The following OSBPL3 variants were observed in gnomAD, a reference collection of about 807,000 sequenced individuals.
The protein encoded by OSBPL3 is oxysterol-binding protein-related protein 3.
In OSBPL3, 65 loss-of-function variants were observed where a neutral mutation model predicts 120.1. That is an observed-to-expected ratio of 0.54 (90% CI 0.44 to 0.67). The LOEUF (loss-of-function observed/expected upper bound fraction) is 0.67. Ranked by LOEUF, OSBPL3 falls within the 30% of genes least tolerant of loss-of-function variation. The pLI, the probability that OSBPL3 is intolerant of heterozygous loss-of-function variation, is 0.00. For missense variants in OSBPL3, 1,004 were observed against 1,082.1 expected, an observed-to-expected ratio of 0.93 and a Z score of 1.01; for synonymous variants, 416 against 402.6, an observed-to-expected ratio of 1.03 and a Z score of -0.40.
At position 24,865,384 on chromosome 7, in the gene OSBPL3, A is replaced by G; in HGVS notation, c.631T>C (p.Leu211=). ...FSCGGETRVP[L]WLQSSEDMEK... The stretch of plus-strand genomic sequence containing the variant: ...ATGTCCTCTGAAGACTGTAACCATA[A>G]TGGAACTCGTGTCTCACCACCACAA... The change falls in exon 7 of 23, where the codon TTA becomes CTA. Residue 211 remains leucine (L), a synonymous_variant. Coordinates refer to ENST00000313367, the MANE Select transcript of OSBPL3 (RefSeq NM_015550.4). The G allele has an allele frequency of 1.2e-6, 2 of 1,613,894 alleles. No individual in the cohort carries two copies. The highest frequency in any genetic ancestry group is 1.7e-6 in the Non-Finnish European group (2 of 1,179,744).
At chr7:24,848,633 C>T (rs994085199) in intron 12 of OSBPL3, among the ~76,000 whole-genome samples, 6 of 151,682 alleles carry the variant, frequency 4.0e-5, no homozygotes, top group African/African-American at 1.5e-4. Flanking sequence ...AAGAAAATCA[C>T]AGAAAAGGGA....
intron 14 of OSBPL3, among the ~76,000 whole-genome samples, chr7:24,838,971 C>G (rs1003012900): frequency 6.6e-6 from 1 of 152,198 alleles, no homozygotes; most frequent in African/African-American, 2.4e-5. Context: ...CGATGAGCAT[C>G]TTACTTCTAG....
At chr7:24,950,581 G>T (rs919844177) in intron 1 of OSBPL3, among the ~76,000 whole-genome samples, 7 of 152,338 alleles carry the variant, frequency 4.6e-5, no homozygotes, top group African/African-American at 1.7e-4. Flanking sequence ...AATTAGCCAG[G>T]CGCGGTGGCG....
At chr7:24,924,188 T>C (rs1810751988) in intron 1 of OSBPL3, among the ~76,000 whole-genome samples, 1 of 152,098 alleles carries the variant, frequency 6.6e-6, no homozygotes, top group Non-Finnish European at 1.5e-5. Flanking sequence ...TCTAAAAAGA[T>C]TTATGGTTAA....
intron 1 of OSBPL3, among the ~76,000 whole-genome samples, chr7:24,949,694 C>G (rs946599679): frequency 2.0e-5 from 3 of 152,130 alleles, no homozygotes; most frequent in African/African-American, 7.2e-5. Flanking sequence ...TCAACTCAGC[C>G]TGAAGGCAAG....
chr7:24,835,709 T>C lies in OSBPL3; in HGVS notation c.1496-973A>G, dbSNP rs1186430134. Among the ~76,000 whole-genome samples the C allele has an allele frequency of 2.6e-5, 4 of 152,152 alleles. No individual in the cohort carries two copies. The highest frequency in any genetic ancestry group is 6.5e-5 in the Admixed American group (1 of 15,276). ...CTAGATAAAGAAAATGTGGTACATA[T>C]ACACCATGGAATACTGTGCAGCCAT... On this transcript the variant is annotated intron_variant, in intron 14 of 22. Transcript: ENST00000313367. This position sits in a 1 kb window ranked among gnomAD's most constrained non-coding sequence, Gnocchi z 4.8.
chr7:24,838,832 T>C (rs1370217513), intron 14 of OSBPL3, among the ~76,000 whole-genome samples: 1 of 152,214 alleles, frequency 6.6e-6, no homozygotes, highest in Non-Finnish European at 1.5e-5. Context: ...TCCTTGTTTT[T>C]CTAGAAAAAT....
chr7:24,866,294 A>G, intron 5 of OSBPL3, 57 bp from the exon 6 acceptor site: 7 of 1,270,204 alleles, frequency 5.5e-6, no homozygotes, highest in Non-Finnish European at 8.0e-6. Context: ...GGAAGGAACA[A>G]TTACTCATCA....
chr7:24,848,816 C>G (rs187710858), intron 12 of OSBPL3, among the ~76,000 whole-genome samples: 1 of 151,588 alleles, frequency 6.6e-6, no homozygotes, highest in Admixed American at 6.6e-5. Flanking sequence ...AGGAGCGAAA[C>G]AGAAATATAA....
At chr7:24,904,673 A>T (rs545136200) in intron 1 of OSBPL3, among the ~76,000 whole-genome samples, 1 of 152,304 alleles carries the variant, frequency 6.6e-6, no homozygotes, top group African/African-American at 2.4e-5. Context: ...AGCTGTAAAA[A>T]ACTAAAGAAA....
chr7:24,934,869 C>G (rs1475616776), intron 1 of OSBPL3, among the ~76,000 whole-genome samples: 1 of 152,132 alleles, frequency 6.6e-6, no homozygotes, highest in African/African-American at 2.4e-5. Context: ...TGCTGAAATG[C>G]CTTCTTTCTG....
chr7:24,869,567 A>C (rs1801821216), intron 5 of OSBPL3, among the ~76,000 whole-genome samples: 2 of 152,216 alleles, frequency 1.3e-5, no homozygotes, highest in Admixed American at 6.5e-5. Context: ...GAAGGATGCC[A>C]CTGGCATCTA....
At position 24,830,957 on chromosome 7, in the gene OSBPL3, T is replaced by C. The variant is rs6952921; in HGVS notation, c.1747-52A>G. 0.02 allele frequency: 30,437 copies of C among 1,520,054 alleles called. 3,341 individuals carry two copies. In the African/African-American group the frequency reaches 0.3, roughly 15 times the overall value. The allele number at this position is 1,520,054 out of a possible 1,614,324, so 94.2% of individuals were successfully genotyped here. On this transcript the variant is annotated intron_variant, in intron 15 of 22. Coordinates refer to ENST00000313367, the MANE Select transcript of OSBPL3 (RefSeq NM_015550.4). The surrounding 1 kb of genome is among the most constrained non-coding windows in gnomAD (Gnocchi z 4.4). ...CATTTCCGTGTCACCAAGAGCTTTA[T>C]TGTTCACAAAGAACTAAACAAAATA...
At position 24,861,793 on chromosome 7, in the gene OSBPL3, A is replaced by G. The variant is rs754671938; in HGVS notation, c.871-24T>C. On this transcript the variant is annotated intron_variant, in intron 9 of 22. Coordinates refer to ENST00000313367, the MANE Select transcript of OSBPL3 (RefSeq NM_015550.4). ...ACCTGAAGTAACACCAAAGGGAGATATTTCTTTTCAGATGCAGATTGCTTA... is the reference window on the plus strand; with the variant it reads ...ACCTGAAGTAACACCAAAGGGAGATGTTTCTTTTCAGATGCAGATTGCTTA... 4.6e-6 allele frequency: 7 copies of G among 1,517,446 alleles called. No homozygotes were observed. The African/African-American group carries it at 7.0e-5, about 15-fold the overall frequency. The allele number at this position is 1,517,446 out of a possible 1,614,324, so 94.0% of individuals were successfully genotyped here. A position where few individuals can be genotyped will look rare whatever the true frequency, so the allele number is the denominator to read the frequency against.
At position 24,928,194 on chromosome 7, in the gene OSBPL3, G is replaced by GTTT. The variant is rs58340103; in HGVS notation, c.-149-35576_-149-35574dup. On this transcript the variant is annotated intron_variant, in intron 1 of 22. Coordinates refer to ENST00000313367, the MANE Select transcript of OSBPL3 (RefSeq NM_015550.4). ...GTGAGCCAATTAAACCTTCCTTTTT[G>GTTT]TTTTTTTTTTTTTTTGAGATGGAGT... is the stretch of plus-strand genomic sequence containing the variant. Among the ~76,000 whole-genome samples the GTTT allele has an allele frequency of 2.7e-3, 362 of 135,618 alleles. 5 individuals carry two copies. Among genetic ancestry groups the GTTT allele is most frequent in the African/African-American group, 7.3e-3 (262 of 35,902 alleles). 89.0% of individuals were successfully genotyped at this position (135,618 alleles called of 152,430 possible). A position where few individuals can be genotyped will look rare whatever the true frequency, so the allele number is the denominator to read the frequency against.
At chr7:24,895,199 T>C (rs1157680676) in intron 1 of OSBPL3, among the ~76,000 whole-genome samples, 1 of 152,224 alleles carries the variant, frequency 6.6e-6, no homozygotes, top group African/African-American at 2.4e-5. Context: ...TATAGTCGCA[T>C]GCCACATCAT....
In OSBPL3 at chr7:24,834,556, A is replaced by T; in HGVS notation, c.1676T>A (p.Leu559His). The T allele has an allele frequency of 6.2e-7, 1 of 1,614,118 alleles. No individual in the cohort carries two copies. Among genetic ancestry groups the T allele is most frequent in the Non-Finnish European group, 8.5e-7 (1 of 1,180,010 alleles). Residue 559 changes from leucine to histidine, a missense_variant, in exon 15 of 23, where the codon CTC (leucine) becomes CAC (histidine). By Grantham distance (99) the Leu-to-His change is moderately conservative (BLOSUM62 -3). Transcript: ENST00000313367. This position sits in a 1 kb window ranked among gnomAD's most constrained non-coding sequence, Gnocchi z 5.2. Reference sequence around the variant, plus strand: ...CTCGCTGTACTCCAGCTCCTCGCAGAGCCTCTGCAGCGTGTTCAGGGGCTC... The same window carrying T: ...CTCGCTGTACTCCAGCTCCTCGCAGTGCCTCTGCAGCGTGTTCAGGGGCTC... ...LNEPLNTLQR[L>H]CEELEYSELL...
In OSBPL3 at chr7:24,918,299, G is replaced by T. The variant is rs1809966921; in HGVS notation, c.-149-25678C>A. Among the ~76,000 whole-genome samples, 1 of 152,082 alleles carries T rather than the reference G, an allele frequency of 6.6e-6. No individual in the cohort carries two copies. The highest frequency in any genetic ancestry group is 1.5e-5 in the Non-Finnish European group (1 of 68,016). ...CTAAGTTTCCCTCCTTGGTTCTCATGACCACATAACTGTGCCATCCCCAAC... is the reference window on the plus strand; with the variant it reads ...CTAAGTTTCCCTCCTTGGTTCTCATTACCACATAACTGTGCCATCCCCAAC... On this transcript the variant is annotated intron_variant, in intron 1 of 22. Transcript: ENST00000313367. The surrounding 1 kb of genome is among the most constrained non-coding windows in gnomAD (Gnocchi z 4.3).
In OSBPL3 at chr7:24,800,202, T is replaced by G. The variant is rs756300825; in HGVS notation, c.2645A>C (p.Asp882Ala). Residue 882 changes from aspartate (D) to alanine (A), a missense_variant, in exon 23 of 23, where the codon GAC becomes GCC. Physicochemically the swap from Asp to Ala is moderately radical, Grantham distance 126 (BLOSUM62 -2). Coordinates refer to ENST00000313367, the MANE Select transcript of OSBPL3 (RefSeq NM_015550.4). ...LRKDLGFSKL[D>A]HPVLW The stretch of plus-strand genomic sequence containing the variant: ...ACTTTTTCACCATAAGACAGGATGG[T>G]CCAGTTTGGAAAAACCAAGATCTTT... The G allele has an allele frequency of 5.0e-6, 8 of 1,599,104 alleles. No individual in the cohort carries two copies. Among genetic ancestry groups the G allele is most frequent in the Non-Finnish European group, 6.9e-6 (8 of 1,166,524 alleles).
Sources: gnomAD v4.1 joint callset for allele counts (sites outside exome capture counted in the v4.1 genomes callset) on GRCh38, gnomAD v4.1.1 for gene constraint, Gnocchi (gnomAD v3.1) non-coding constraint, MANE v1.5 for transcripts, NCBI Gene and HGNC (gene_info 2026-07-23, HGNC 2026-07-21) for gene names.